UNC5D: variants seen among roughly 807,000 people sequenced by gnomAD.
UNC5D encodes unc-5 netrin receptor D.
UNC5D carries 39 observed loss-of-function variants against 105.4 expected under a neutral mutation model. The observed-to-expected ratio is 0.37, with a 90% CI of 0.29 to 0.48. The LOEUF is 0.48. Ranked by LOEUF, UNC5D falls within the 20% of genes least tolerant of loss-of-function variation. The pLI is 0.98. For missense variants in UNC5D, 991 were observed against 1,202.4 expected (o/e 0.82, Z 2.60); for synonymous variants, 452 against 450.4 (o/e 1.00, Z -0.04).
intron 1 of UNC5D, among the ~76,000 whole-genome samples, chr8:35,267,102 A>ATTTTTTTTTTTT (rs1804933626): frequency 9.1e-6 from 1 of 110,334 alleles, no homozygotes; most frequent in African/African-American, 3.4e-5. Context: ...TTTTTTTTTG[A>ATTTTTTTTTTTT]TGAGCCGTTA....
chr8:35,535,885 C>G (rs1814799654), intron 1 of UNC5D, among the ~76,000 whole-genome samples: 1 of 152,272 alleles, frequency 6.6e-6, no homozygotes, highest in Middle Eastern at 3.4e-3. Context: ...TTGCATGTAG[C>G]TATTGAATGC....
chr8:35,390,865 C>T (rs532146696), intron 1 of UNC5D, among the ~76,000 whole-genome samples: 76 of 152,260 alleles, frequency 5.0e-4, no homozygotes, highest in African/African-American at 1.8e-3. Flanking sequence ...ATGTATTCTC[C>T]CTATTGTTCT....
chr8:35,245,019 A>T (rs1182981806), intron 1 of UNC5D, among the ~76,000 whole-genome samples: 1 of 152,132 alleles, frequency 6.6e-6, no homozygotes, highest in Non-Finnish European at 1.5e-5. Flanking sequence ...CCTCCAAAAA[A>T]ATTAATTAAT....
At chr8:35,495,802 T>G (rs1035663420) in intron 1 of UNC5D, among the ~76,000 whole-genome samples, 3 of 152,138 alleles carry the variant, frequency 2.0e-5, no homozygotes, top group African/African-American at 7.2e-5. Context: ...GATCCTCCTA[T>G]GAAAGAAGAG....
At chr8:35,784,564 A>G (rs1297238737) in intron 16 of UNC5D, among the ~76,000 whole-genome samples, 2 of 152,148 alleles carry the variant, frequency 1.3e-5, no homozygotes, top group Non-Finnish European at 2.9e-5. Context: ...CCTGTGCAAC[A>G]TGGCGAAATC....
Position 35,750,795 on chromosome 8 carries a change from C to A in UNC5D, c.2149C>A (p.Pro717Thr). 1 of 1,614,074 alleles carries A rather than the reference C, an allele frequency of 6.2e-7. No individual in the cohort carries two copies. The highest frequency in any genetic ancestry group is 8.5e-7 in the Non-Finnish European group (1 of 1,179,990). ...NLRVYCVDNTPCAFQEVVSDE... is the reference protein window; with the variant it reads ...NLRVYCVDNTTCAFQEVVSDE... Reference sequence around the variant, plus strand: ...GAGAGTTTACTGTGTGGACAATACCCCTTGTGCATTTCAGGTTAGCCTTTG... The same window carrying A: ...GAGAGTTTACTGTGTGGACAATACCACTTGTGCATTTCAGGTTAGCCTTTG... Residue 717 changes from proline to threonine, a missense_variant, in exon 13 of 17, where the codon CCT becomes ACT. By Grantham distance (38) the Pro-to-Thr change is conservative (BLOSUM62 -1). Coordinates refer to ENST00000404895, the MANE Select transcript of UNC5D (RefSeq NM_080872.4).
At chr8:35,617,397 C>T (rs1169829718) in intron 4 of UNC5D, among the ~76,000 whole-genome samples, 1 of 152,148 alleles carries the variant, frequency 6.6e-6, no homozygotes, top group Non-Finnish European at 1.5e-5. Context: ...GAGCACCTGC[C>T]TACGTGTACT....
intron 8 of UNC5D, among the ~76,000 whole-genome samples, chr8:35,713,433 C>T (rs1828076829): frequency 6.6e-6 from 1 of 152,136 alleles, no homozygotes. Flanking sequence ...TTTTGTCTCC[C>T]CATCTGATTG....
intron 1 of UNC5D, among the ~76,000 whole-genome samples, chr8:35,457,044 T>C (rs1437699902): frequency 1.3e-5 from 2 of 152,204 alleles, no homozygotes; most frequent in Admixed American, 1.3e-4. Context: ...GCAAGTTTCT[T>C]ATTGCCTCCA....
intron 1 of UNC5D, among the ~76,000 whole-genome samples, chr8:35,482,085 A>G (rs2589330): frequency 0.27 from 40,752 of 152,060 alleles, 6,340 homozygotes; most frequent in African/African-American, 0.44. Flanking sequence ...AACTTTCTTG[A>G]AGTAGGGTCA....
chr8:35,487,566 T>TACACACAC (rs3048025), intron 1 of UNC5D, among the ~76,000 whole-genome samples: 3 of 112,984 alleles, frequency 2.7e-5, no homozygotes, highest in African/African-American at 3.7e-5. Flanking sequence ...TCTCTCTCTG[T>TACACACAC]ACACACACAC....
chr8:35,667,766 C>T (rs551923640), intron 4 of UNC5D, among the ~76,000 whole-genome samples: 1 of 152,112 alleles, frequency 6.6e-6, no homozygotes, highest in Non-Finnish European at 1.5e-5. Context: ...GGAGATATTT[C>T]CAATTCTATT....
intron 1 of UNC5D, among the ~76,000 whole-genome samples, chr8:35,409,723 G>A (rs369564790): frequency 6.6e-6 from 1 of 151,610 alleles, no homozygotes; most frequent in Non-Finnish European, 1.5e-5. Context: ...CTTATGTTTT[G>A]CAGAGCAAAA....
intron 3 of UNC5D, among the ~76,000 whole-genome samples, chr8:35,581,104 C>T (rs1396161692): frequency 6.6e-6 from 1 of 152,148 alleles, no homozygotes; most frequent in Non-Finnish European, 1.5e-5. Context: ...TTAGAATCCT[C>T]ATCTCTGGAA....
chr8:35,544,361 G>C, intron 1 of UNC5D: 1 of 1,582,918 alleles, frequency 6.3e-7, no homozygotes, highest in East Asian at 2.3e-5. Context: ...AACGTTTTCT[G>C]CCACAAATAA....
intron 1 of UNC5D, among the ~76,000 whole-genome samples, chr8:35,322,151 A>C (rs1183865289): frequency 6.6e-6 from 1 of 152,142 alleles, no homozygotes; most frequent in Non-Finnish European, 1.5e-5. Context: ...TCATTATGTA[A>C]GCAGATTCTA....
rs1019978686 is a variant in UNC5D, at chr8:35,718,127, G to C, written c.1118-4083G>C. ...TTTTTTTTAACACCTGTAGAATGTA[G>C]ACAGTAATTTTTTCTACCACCTGGT... On this transcript the variant is annotated intron_variant, in intron 8 of 16. Transcript: ENST00000404895. 1.8e-4 allele frequency among the ~76,000 whole-genome samples: 27 copies of C among 151,730 alleles called. 1 individual carries two copies. Among genetic ancestry groups the C allele is most frequent in the Admixed American group, 1.3e-4 (2 of 15,224 alleles).
chr8:35,433,244 T>C (rs1217729935), intron 1 of UNC5D, among the ~76,000 whole-genome samples: 1 of 152,166 alleles, frequency 6.6e-6, no homozygotes, highest in Non-Finnish European at 1.5e-5. Flanking sequence ...CAAGAGGAGA[T>C]AGATCTACCT....
Position 35,750,598 on chromosome 8 carries a change from A to C in UNC5D, c.1952A>C (p.Glu651Ala). The C allele has an allele frequency of 1.9e-6, 3 of 1,614,134 alleles. No individual in the cohort carries two copies. The highest frequency in any genetic ancestry group is 2.5e-6 in the Non-Finnish European group (3 of 1,180,012). ...TCCCAACAGGAAGTGATGTCAGTGG[A>C]AGATGAATCTACATCCTGTTACTGC... The part of the protein sequence containing the change: ...QGKWEEVMSV[E>A]DESTSCYCLL... Residue 651 changes from glutamate (E) to alanine (A), a missense_variant, in exon 13 of 17, where the codon GAA (glutamate) becomes GCA (alanine). Physicochemically the swap from Glu to Ala is moderately radical, Grantham distance 107 (BLOSUM62 -1). Transcript: ENST00000404895.
Sources: allele counts gnomAD v4.1 joint callset (sites outside exome capture counted in the v4.1 genomes callset), GRCh38; gene constraint gnomAD v4.1.1; transcripts MANE v1.5; gene names NCBI Gene and HGNC (gene_info 2026-07-23, HGNC 2026-07-21).